MOB3B: variants seen among roughly 807,000 people sequenced by gnomAD.
MOB3B encodes the protein MOB kinase activator 3B.
MOB3B carries 7 observed loss-of-function variants against 18.7 expected under a neutral mutation model. The ratio of observed to expected loss-of-function variants is 0.37; its 90% CI spans 0.21 to 0.70. The LOEUF is 0.70. Among genes scored for constraint, MOB3B ranks in the 30% least tolerant of loss-of-function variants. MOB3B has a pLI of 0.52. For missense variants in MOB3B, 253 were observed against 281.3 expected (o/e 0.90, Z 0.72); for synonymous variants, 111 against 99.9 (o/e 1.11, Z -0.66).
chr9:27,401,144 T>C (rs1466489323), intron 2 of MOB3B, among the ~76,000 whole-genome samples: 2 of 152,152 alleles, frequency 1.3e-5, no homozygotes, highest in African/African-American at 4.8e-5. Context: ...GGGTGCTCCT[T>C]TCCAGCATGG....
chr9:27,452,614 T>C (rs1159496830), intron 2 of MOB3B, among the ~76,000 whole-genome samples: 3 of 152,142 alleles, frequency 2.0e-5, no homozygotes, highest in South Asian at 2.1e-4. Flanking sequence ...AAAGAAGTCA[T>C]ACAAATGGCT....
chr9:27,338,860 GA>G (rs1267729531), intron 3 of MOB3B, among the ~76,000 whole-genome samples: 1 of 152,228 alleles, frequency 6.6e-6, no homozygotes, highest in African/African-American at 2.4e-5. Context: ...CCAGGGGAAG[GA>G]CCCCTCCCAC....
At chr9:27,340,636 C>T (rs1356590071) in intron 3 of MOB3B, among the ~76,000 whole-genome samples, 1 of 152,142 alleles carries the variant, frequency 6.6e-6, no homozygotes, top group Non-Finnish European at 1.5e-5. Context: ...CTCTGTGGAT[C>T]CACCTACCAT....
chr9:27,386,303 G>C (rs1033542974), intron 2 of MOB3B, among the ~76,000 whole-genome samples: 1 of 152,200 alleles, frequency 6.6e-6, no homozygotes, highest in African/African-American at 2.4e-5. Flanking sequence ...TAAGCACATG[G>C]TAAGTGTCCA....
chr9:27,411,847 C>A (rs188867219), intron 2 of MOB3B, among the ~76,000 whole-genome samples: 3 of 152,200 alleles, frequency 2.0e-5, no homozygotes, highest in Non-Finnish European at 2.9e-5. Flanking sequence ...CTAATAATAA[C>A]AAATCAATTT....
intron 1 of MOB3B, among the ~76,000 whole-genome samples, chr9:27,500,058 G>A (rs902127240): frequency 1.3e-5 from 2 of 152,124 alleles, no homozygotes; most frequent in African/African-American, 2.4e-5. Flanking sequence ...GCTGTGGAAG[G>A]TTTGACTAGA....
At chr9:27,403,138 C>A (rs970547525) in intron 2 of MOB3B, among the ~76,000 whole-genome samples, 2 of 152,076 alleles carry the variant, frequency 1.3e-5, no homozygotes, top group African/African-American at 4.8e-5. Flanking sequence ...AGGAAAGATC[C>A]TGGGCTGGAT....
chr9:27,337,793 G>T (rs971726995), intron 3 of MOB3B, among the ~76,000 whole-genome samples: 21 of 152,218 alleles, frequency 1.4e-4, no homozygotes, highest in Non-Finnish European at 2.2e-4. Context: ...GTTGTCAAAA[G>T]AATCCCAAGG....
At chr9:27,363,421 G>A (rs972404552) in intron 2 of MOB3B, among the ~76,000 whole-genome samples, 4 of 151,470 alleles carry the variant, frequency 2.6e-5, no homozygotes, top group Non-Finnish European at 5.9e-5. Flanking sequence ...GGCGCCCGCC[G>A]CCACGCCCGG....
At chr9:27,337,983 A>C (rs976177086) in intron 3 of MOB3B, among the ~76,000 whole-genome samples, 10 of 152,162 alleles carry the variant, frequency 6.6e-5, no homozygotes, top group African/African-American at 2.4e-4. Flanking sequence ...ACATGATTCC[A>C]GTATGCACCA....
At position 27,491,118 on chromosome 9, in the gene MOB3B, C is replaced by T. The variant is rs73437157; in HGVS notation, c.-198-35370G>A. ...CTTTGTATATATTATTTCTTCGGAA[C>T]GATGAGATAATTATGTAGTTTGGTT... is the stretch of plus-strand genomic sequence containing the variant. On this transcript the variant is annotated intron_variant, in intron 1 of 3. Coordinates refer to ENST00000262244, the MANE Select transcript of MOB3B (RefSeq NM_024761.5). Among the ~76,000 whole-genome samples, 1,490 of 151,932 alleles carry T rather than the reference C, an allele frequency of 9.8e-3. 31 individuals carry two copies. The highest frequency in any genetic ancestry group is 0.033 in the African/African-American group (1,357 of 41,400).
intron 2 of MOB3B, among the ~76,000 whole-genome samples, chr9:27,424,313 A>G (rs1162078694): frequency 7.2e-5 from 11 of 152,246 alleles, no homozygotes; most frequent in Non-Finnish European, 1.5e-4. Flanking sequence ...AAACATCCCA[A>G]TAACCATGAC....
intron 1 of MOB3B, among the ~76,000 whole-genome samples, chr9:27,479,326 A>C (rs2131475417): frequency 6.6e-6 from 1 of 152,344 alleles, no homozygotes; most frequent in Middle Eastern, 3.4e-3. Context: ...CTCCCATGAT[A>C]ATGGCATTAA....
At chr9:27,380,685 AC>A (rs1290578052) in intron 2 of MOB3B, among the ~76,000 whole-genome samples, 1 of 77,604 alleles carries the variant, frequency 1.3e-5, no homozygotes, top group Non-Finnish European at 2.7e-5. Flanking sequence ...GCCCCTCCCC[AC>A]CCCCACCCTT....
At chr9:27,356,131 GT>G (rs1258785447) in intron 3 of MOB3B, among the ~76,000 whole-genome samples, 2 of 152,128 alleles carry the variant, frequency 1.3e-5, no homozygotes, top group Non-Finnish European at 2.9e-5. Flanking sequence ...CCTTTATAGG[GT>G]TTGGTTAGTG....
chr9:27,372,247 G>A (rs1029732834), intron 2 of MOB3B, among the ~76,000 whole-genome samples: 5 of 152,204 alleles, frequency 3.3e-5, no homozygotes, highest in African/African-American at 1.2e-4. Context: ...AAGAGCTCCG[G>A]AATGGCCCAA....
intron 1 of MOB3B, among the ~76,000 whole-genome samples, chr9:27,506,533 AT>A (rs1820061906): frequency 2.5e-5 from 2 of 81,248 alleles, no homozygotes; most frequent in Non-Finnish European, 5.0e-5. Flanking sequence ...AACTTATTTA[AT>A]CTTTTTTTTT....
intron 1 of MOB3B, among the ~76,000 whole-genome samples, chr9:27,457,797 T>C (rs1819204007): frequency 1.3e-5 from 2 of 152,156 alleles, no homozygotes; most frequent in Non-Finnish European, 2.9e-5. Context: ...AGACAGTCTG[T>C]GAAATCACAC....
chr9:27,526,682 T>C (rs564175595), intron 1 of MOB3B, among the ~76,000 whole-genome samples: 1 of 151,892 alleles, frequency 6.6e-6, no homozygotes, highest in African/African-American at 2.4e-5. Context: ...TCACATCTAA[T>C]CAAAAGAAAA....
Sources: allele counts gnomAD v4.1 joint callset (sites outside exome capture counted in the v4.1 genomes callset), GRCh38; gene constraint gnomAD v4.1.1; transcripts MANE v1.5; gene names NCBI Gene and HGNC (gene_info 2026-07-23, HGNC 2026-07-21).